SLC25A12: variants seen among roughly 807,000 people sequenced by gnomAD.
SLC25A12 encodes solute carrier family 25 member 12.
A neutral mutation model predicts 83.3 loss-of-function variants in SLC25A12; 32 were observed. The ratio of observed to expected loss-of-function variants is 0.38; its 90% CI spans 0.29 to 0.52. The LOEUF (loss-of-function observed/expected upper bound fraction) is 0.52. Ranked by LOEUF, SLC25A12 falls within the 20% of genes least tolerant of loss-of-function variation. The pLI, the probability that SLC25A12 is intolerant of heterozygous loss-of-function variation, is 0.84. For synonymous variants in SLC25A12, 267 were observed against 291.1 expected (o/e 0.92, Z 0.84); for missense variants, 611 against 835.6 (o/e 0.73, Z 3.31).
intron 13 of SLC25A12, among the ~76,000 whole-genome samples, chr2:171,799,594 A>G (rs1345367476): frequency 1.3e-5 from 2 of 152,182 alleles, no homozygotes; most frequent in African/African-American, 4.8e-5. Flanking sequence ...TGGTGTGTGT[A>G]GACACATGCT....
At position 171,893,253 on chromosome 2, in the gene SLC25A12, C is replaced by G. The variant is rs375251278; in HGVS notation, c.18G>C (p.Gln6His). 1 of 1,613,906 alleles carries G rather than the reference C, an allele frequency of 6.2e-7. No individual in the cohort carries two copies. The highest frequency in any genetic ancestry group is 8.5e-7 in the Non-Finnish European group (1 of 1,179,968). Residue 6 changes from glutamine to histidine, a missense_variant, in exon 2 of 18, where the codon CAG becomes CAC. Gln to His is a conservative substitution (Grantham distance 24, BLOSUM62 0). Around this residue, in one of 3 missense-constraint regions of SLC25A12, gnomAD observed 34 missense variants for 23.0 expected, o/e 1.48. Coordinates refer to ENST00000422440, the MANE Select transcript of SLC25A12 (RefSeq NM_003705.5). The stretch of plus-strand genomic sequence containing the variant: ...CATGAGGATCCCCTCGCTTAGTTGT[C>G]TGCACCTGTAAGCAAAAAAGAAAAA... MAVKV[Q>H]TTKRGDPHEL...
chr2:171,792,656 C>A (rs1329554898), intron 14 of SLC25A12, among the ~76,000 whole-genome samples: 2 of 151,344 alleles, frequency 1.3e-5, no homozygotes, highest in South Asian at 2.1e-4. Flanking sequence ...TCCAAGGACT[C>A]GCTAAAGGAT....
At chr2:171,813,856 T>A (rs936899290) in intron 10 of SLC25A12, among the ~76,000 whole-genome samples, 3 of 152,238 alleles carry the variant, frequency 2.0e-5, no homozygotes, top group African/African-American at 7.2e-5. Flanking sequence ...ATATTTTCCA[T>A]TAAATGCTTA....
intron 6 of SLC25A12, 140 bp downstream of exon 6, chr2:171,836,981 C>A (rs1470046339): frequency 2.7e-6 from 2 of 739,246 alleles, no homozygotes; most frequent in East Asian, 5.7e-5. Flanking sequence ...CACACACACA[C>A]ACAAACCTGT....
intron 3 of SLC25A12, among the ~76,000 whole-genome samples, chr2:171,862,035 C>G (rs768769389): frequency 6.6e-6 from 1 of 151,974 alleles, no homozygotes. Context: ...TAAATAGGAA[C>G]TAATAAAATG....
Position 171,784,951 on chromosome 2 carries a change from G to A in SLC25A12, c.*323C>T. 3.1e-6 allele frequency: 1 copy of A among 321,342 alleles called. No individual in the cohort carries two copies. The highest frequency in any genetic ancestry group is 6.1e-6 in the Non-Finnish European group (1 of 164,846). 19.9% of individuals were successfully genotyped at this position (321,342 alleles called of 1,614,324 possible). ...CAAATGTGATTTGTTGGGATGAGGT[G>A]CCAAGATGTCTCTGTACAAAGATGT... On this transcript the variant is annotated 3_prime_UTR_variant, in exon 18 of 18. Transcript: ENST00000422440.
intron 13 of SLC25A12, among the ~76,000 whole-genome samples, chr2:171,806,202 G>A (rs146430695): frequency 1.2e-3 from 188 of 152,276 alleles, no homozygotes; most frequent in African/African-American, 4.3e-3. Flanking sequence ...GCTCACGCCC[G>A]TAATCCCAGC....
chr2:171,877,876 T>C (rs924546601), intron 2 of SLC25A12, among the ~76,000 whole-genome samples: 1 of 152,186 alleles, frequency 6.6e-6, no homozygotes, highest in Non-Finnish European at 1.5e-5. Context: ...GATCCTTTGA[T>C]GTTTTATATC....
At chr2:171,825,611 A>G (rs1684284544) in intron 9 of SLC25A12, among the ~76,000 whole-genome samples, 1 of 151,974 alleles carries the variant, frequency 6.6e-6, no homozygotes. Context: ...TTCTTTATCC[A>G]TGCCCTCCCC....
chr2:171,860,201 C>T (rs1685125381), intron 3 of SLC25A12, among the ~76,000 whole-genome samples: 1 of 152,158 alleles, frequency 6.6e-6, no homozygotes, highest in South Asian at 2.1e-4. Flanking sequence ...CTTGAGGTTA[C>T]CTAGGTGCAT....
chr2:171,892,326 C>T (rs922091534), intron 2 of SLC25A12, among the ~76,000 whole-genome samples: 55 of 151,628 alleles, frequency 3.6e-4, no homozygotes, highest in Non-Finnish European at 2.9e-5. Flanking sequence ...CCCGGGTTAA[C>T]GCCATTCTCC....
intron 4 of SLC25A12, among the ~76,000 whole-genome samples, chr2:171,854,971 C>T (rs1000246633): frequency 9.2e-5 from 14 of 152,098 alleles, no homozygotes; most frequent in Non-Finnish European, 1.6e-4. Context: ...TCTTTCACAA[C>T]GTTGTGGATA....
chr2:171,878,725 A>G (rs1231550271), intron 2 of SLC25A12, among the ~76,000 whole-genome samples: 2 of 152,250 alleles, frequency 1.3e-5, no homozygotes, highest in African/African-American at 2.4e-5. Flanking sequence ...TTCAAATGAC[A>G]ATATCATGAA....
chr2:171,844,567 G>A, intron 4 of SLC25A12, 59 bp from the exon 5 acceptor site: 3 of 1,184,086 alleles, frequency 2.5e-6, no homozygotes, highest in South Asian at 1.3e-5. Context: ...TTAAACCACT[G>A]CAATGTTCCT....
At chr2:171,819,013 G>T (rs1684115235) in intron 9 of SLC25A12, among the ~76,000 whole-genome samples, 1 of 149,960 alleles carries the variant, frequency 6.7e-6, no homozygotes, top group South Asian at 2.1e-4. Flanking sequence ...TCTGGGATTT[G>T]AATTCAATAT....
At chr2:171,787,516 AC>A in intron 17 of SLC25A12, 54 bp downstream of exon 17, 1 of 1,336,000 alleles carries the variant, frequency 7.5e-7, no homozygotes, top group African/African-American at 1.4e-5. Flanking sequence ...GACAGAACAA[AC>A]ATTTGTTTTG....
chr2:171,834,594 T>A lies in SLC25A12; in HGVS notation c.751+133A>T, dbSNP rs1684516810. 7.8e-6 allele frequency: 8 copies of A among 1,024,032 alleles called. No individual in the cohort carries two copies. In the South Asian group the frequency reaches 1.1e-4, roughly 14 times the overall value. 63.4% of individuals were successfully genotyped at this position (1,024,032 alleles called of 1,614,324 possible). ...TCCACCTGGATTTTTGGAGCCCAAGTAAAGCATACATACACATGGTAACAT... is the reference window on the plus strand; with the variant it reads ...TCCACCTGGATTTTTGGAGCCCAAGAAAAGCATACATACACATGGTAACAT... On this transcript the variant is annotated intron_variant, in intron 7 of 17. Coordinates refer to ENST00000422440, the MANE Select transcript of SLC25A12 (RefSeq NM_003705.5).
intron 3 of SLC25A12, among the ~76,000 whole-genome samples, chr2:171,867,122 G>A (rs1444034010): frequency 3.3e-5 from 5 of 151,470 alleles, no homozygotes; most frequent in Admixed American, 6.6e-5. Flanking sequence ...GATGGCGGCC[G>A]GGCAGAGACG....
At chr2:171,867,065 T>A (rs1239167571) in intron 3 of SLC25A12, among the ~76,000 whole-genome samples, 1 of 145,154 alleles carries the variant, frequency 6.9e-6, no homozygotes, top group African/African-American at 2.6e-5. Context: ...TCCCCACATC[T>A]CAGACGATGG....
Sources: allele counts gnomAD v4.1 joint callset (sites outside exome capture counted in the v4.1 genomes callset), GRCh38; gene constraint gnomAD v4.1.1; regional missense constraint gnomAD v4.1.1; transcripts MANE v1.5; gene names NCBI Gene and HGNC (gene_info 2026-07-23, HGNC 2026-07-21).